SH3KBP1: variants seen among roughly 807,000 people sequenced by gnomAD.
SH3KBP1 encodes the protein SH3 domain containing kinase binding protein 1, also known as SH3 domain-containing kinase-binding protein 1.
Under a neutral mutation model 50.1 loss-of-function variants are expected in SH3KBP1, and 8 were observed. That is an observed-to-expected ratio of 0.16 (90% CI 0.09 to 0.29). The LOEUF is 0.29. SH3KBP1 is among the 10% of genes least tolerant of loss of function. SH3KBP1 has a pLI of 1.00. For synonymous variants in SH3KBP1, 227 were observed against 218.6 expected (o/e 1.04, Z -0.34); for missense variants, 377 against 535.2 (o/e 0.70, Z 2.92).
intron 2 of SH3KBP1, among the ~76,000 whole-genome samples, chrX:19,829,685 G>A (rs187032482): frequency 9.8e-5 from 10 of 101,584 alleles, no homozygotes; most frequent in Admixed American, 1.1e-4. Flanking sequence ...GGCAGAGGTC[G>A]TAGTGAGCCG....
At chrX:19,719,680 G>A (rs1021984236) in intron 3 of SH3KBP1, among the ~76,000 whole-genome samples, 4 of 109,151 alleles carry the variant, frequency 3.7e-5, no homozygotes, top group African/African-American at 1.3e-4. Flanking sequence ...ACTGCTCATG[G>A]ATACGTGGTC....
chrX:19,549,165 C>T (rs1340197820), intron 14 of SH3KBP1, among the ~76,000 whole-genome samples: 1 of 112,087 alleles, frequency 8.9e-6, no homozygotes. Flanking sequence ...GAGAAAGGCA[C>T]ACAACAGAAG....
chrX:19,542,064 C>G lies in SH3KBP1; in HGVS notation c.1753G>C (p.Ala585Pro). 2 of 1,212,060 alleles carry G rather than the reference C, an allele frequency of 1.7e-6. No homozygotes were observed. Among genetic ancestry groups the G allele is most frequent in the Non-Finnish European group, 2.2e-6 (2 of 895,569 alleles). The change falls in exon 16 of 18, where the codon GCC becomes CCC. Residue 585 changes from alanine (A) to proline (P), a missense_variant. Physicochemically the swap from Ala to Pro is conservative, Grantham distance 27. Transcript: ENST00000397821. Reference sequence around the variant, plus strand: ...GTGCCGAACAGAGACGGGGAGTTGGCTCTGTGTCCAGCTGTTCCCAAAGAG... The same window carrying G: ...GTGCCGAACAGAGACGGGGAGTTGGGTCTGTGTCCAGCTGTTCCCAAAGAG... ...SSSLGTAGHR[A>P]NSPSLFGTEG...
intron 13 of SH3KBP1, among the ~76,000 whole-genome samples, chrX:19,554,380 TATATC>T (rs2065418155): frequency 1.0e-5 from 1 of 97,309 alleles, no homozygotes; most frequent in Non-Finnish European, 2.0e-5. Flanking sequence ...AAATATAATA[TATATC>T]ATATTAAAAT....
At chrX:19,588,387 G>A in intron 12 of SH3KBP1, 2 of 1,106,494 alleles carry the variant, frequency 1.8e-6, no homozygotes, top group South Asian at 2.4e-5. Context: ...TGTGAGCAGG[G>A]CCTAAATGCT....
chrX:19,716,586 T>C (rs978230677), intron 3 of SH3KBP1, among the ~76,000 whole-genome samples: 12 of 111,610 alleles, frequency 1.1e-4, no homozygotes, highest in African/African-American at 3.6e-4. Flanking sequence ...CTTTGAGCCA[T>C]GGAGGGTAGG....
intron 12 of SH3KBP1, 96 bp from the exon 13 acceptor site, chrX:19,569,284 T>G: frequency 1.3e-6 from 1 of 772,888 alleles, no homozygotes; most frequent in Non-Finnish European, 2.0e-6. Context: ...AGTGTGCTGG[T>G]GTGGAGTGGA....
At chrX:19,779,702 T>A (rs1279827823) in intron 2 of SH3KBP1, among the ~76,000 whole-genome samples, 6 of 106,692 alleles carry the variant, frequency 5.6e-5, no homozygotes, top group African/African-American at 2.1e-4. Flanking sequence ...CTTACAATAG[T>A]TGACTGAGAA....
Position 19,669,249 on chromosome X carries a change from A to C in SH3KBP1, c.726+14574T>G, listed in dbSNP as rs768632826. Among the ~76,000 whole-genome samples the C allele has an allele frequency of 7.6e-5, 8 of 105,019 alleles. No homozygotes were observed. The South Asian group carries it at 1.7e-3, about 22-fold the overall frequency. 91.2% of individuals were successfully genotyped at this position (105,019 alleles called of 115,157 possible). ...CCAAAGTGCTGGGATTACAAGCATT[A>C]GCCACTGCACTCAGCTGAGGATGAT... On this transcript the variant is annotated intron_variant, in intron 6 of 17. Transcript: ENST00000397821.
At chrX:19,561,072 TA>T (rs1278440852) in intron 13 of SH3KBP1, among the ~76,000 whole-genome samples, 2,134 of 48,068 alleles carry the variant, frequency 0.044, 78 homozygotes, top group African/African-American at 0.1. Flanking sequence ...AGACCCTGTC[TA>T]AAAAAAAAAA....
intron 1 of SH3KBP1, among the ~76,000 whole-genome samples, chrX:19,868,142 G>A (rs747730619): frequency 7.8e-4 from 88 of 112,199 alleles, no homozygotes; most frequent in Non-Finnish European, 1.1e-3. Context: ...CTCTGGCCAC[G>A]ATGTGCTAGT....
intron 2 of SH3KBP1, among the ~76,000 whole-genome samples, chrX:19,768,317 A>G (rs952169251): frequency 6.6e-5 from 7 of 106,619 alleles, no homozygotes; most frequent in African/African-American, 2.1e-4. Context: ...TGACATGTTG[A>G]AGGGGGAAAA....
intron 7 of SH3KBP1, among the ~76,000 whole-genome samples, chrX:19,637,723 G>A (rs2061740904): frequency 9.0e-6 from 1 of 111,096 alleles, no homozygotes; most frequent in Non-Finnish European, 1.9e-5. Context: ...ATCTGAGGTG[G>A]GACCGGGAAT....
intron 3 of SH3KBP1, among the ~76,000 whole-genome samples, chrX:19,725,395 C>T (rs1189559927): frequency 9.0e-6 from 1 of 110,771 alleles, no homozygotes; most frequent in Non-Finnish European, 1.9e-5. Context: ...TGCTTGAGCC[C>T]TGGAGGTGGA....
chrX:19,668,928 T>G (rs2148521525), intron 6 of SH3KBP1, among the ~76,000 whole-genome samples: 1 of 62,314 alleles, frequency 1.6e-5, no homozygotes, highest in African/African-American at 5.4e-5. Context: ...ATGATAGGAT[T>G]GAGGGTAATA....
At chrX:19,883,626 T>A (rs1362452828) in intron 1 of SH3KBP1, among the ~76,000 whole-genome samples, 3 of 111,503 alleles carry the variant, frequency 2.7e-5, no homozygotes. Flanking sequence ...GGGTGTCCTG[T>A]TGAACAGAAA....
chrX:19,537,322 G>A (rs1386409362), intron 17 of SH3KBP1, among the ~76,000 whole-genome samples: 2 of 110,993 alleles, frequency 1.8e-5, no homozygotes, highest in East Asian at 5.6e-4. Flanking sequence ...GCCAGGTGTG[G>A]TGGCACATGC....
At chrX:19,811,352 G>A (rs1251611700) in intron 2 of SH3KBP1, among the ~76,000 whole-genome samples, 3 of 111,676 alleles carry the variant, frequency 2.7e-5, no homozygotes, top group South Asian at 3.7e-4. Context: ...ACTTGATAGC[G>A]TTTATGGTTT....
At chrX:19,868,812 G>A (rs2068969971) in intron 1 of SH3KBP1, among the ~76,000 whole-genome samples, 1 of 107,943 alleles carries the variant, frequency 9.3e-6, no homozygotes, top group Non-Finnish European at 1.9e-5. Flanking sequence ...ACTGTCTGTA[G>A]AACCCATCCC....
Sources: gnomAD v4.1 joint callset for allele counts (sites outside exome capture counted in the v4.1 genomes callset) on GRCh38, gnomAD v4.1.1 for gene constraint, MANE v1.5 for transcripts, NCBI Gene and HGNC (gene_info 2026-07-23, HGNC 2026-07-21) for gene names.